STYXL1: variants seen among roughly 807,000 people sequenced by gnomAD.
STYXL1 encodes the protein serine/threonine/tyrosine-interacting-like protein 1.
STYXL1 carries 32 observed loss-of-function variants against 36.4 expected under a neutral mutation model. The observed-to-expected ratio is 0.88, with a 90% CI of 0.66 to 1.18. STYXL1 has a LOEUF of 1.18. Among genes scored for constraint, STYXL1 ranks in the 50% most tolerant of loss-of-function variants. The pLI is 0.00. For missense variants in STYXL1, 354 were observed against 394.1 expected (o/e 0.90, Z 0.86); for synonymous variants, 133 against 144.1 (o/e 0.92, Z 0.55).
At chr7:76,046,274 CTGTGTGTGTGTGTGTGTGTGTGTGTGTG>C (rs782245806) in intron 1 of STYXL1, among the ~76,000 whole-genome samples, 9,399 of 102,812 alleles carry the variant, frequency 0.091, 507 homozygotes, top group East Asian at 0.12. Context: ...AGCTTATCTG[CTGTGTGTGTGTGTGTGTGTGTGTGTGTG>C]TGTGTGTGTG....
intron 4 of STYXL1, among the ~76,000 whole-genome samples, chr7:76,014,686 T>C (rs1793043199): frequency 6.6e-6 from 1 of 151,940 alleles, no homozygotes; most frequent in Non-Finnish European, 1.5e-5. Flanking sequence ...ATATGTATTG[T>C]ATGATGTCAT....
chr7:76,041,947 A>G (rs1320030864), intron 1 of STYXL1, among the ~76,000 whole-genome samples: 2 of 152,220 alleles, frequency 1.3e-5, no homozygotes, highest in African/African-American at 4.8e-5. Context: ...GAATTTGTCA[A>G]AACCAAACTG....
intron 1 of STYXL1, among the ~76,000 whole-genome samples, chr7:76,042,744 C>A (rs932755707): frequency 1.3e-5 from 2 of 152,012 alleles, no homozygotes; most frequent in Non-Finnish European, 2.9e-5. Context: ...GGATAAGCAC[C>A]CTCTGATCTC....
chr7:76,015,305 A>G (rs1793141266), intron 4 of STYXL1, among the ~76,000 whole-genome samples: 3 of 152,176 alleles, frequency 2.0e-5, no homozygotes, highest in Admixed American at 2.0e-4. Context: ...TGGTACTAAG[A>G]TAACTGGCTA....
At chr7:76,038,559 G>A (rs1408699485) in intron 1 of STYXL1, among the ~76,000 whole-genome samples, 1 of 151,738 alleles carries the variant, frequency 6.6e-6, no homozygotes. Flanking sequence ...CTGAGTAGCT[G>A]GGACTACAGG....
intron 8 of STYXL1, among the ~76,000 whole-genome samples, chr7:75,997,578 T>C (rs782333902): frequency 3.3e-5 from 5 of 152,214 alleles, no homozygotes; most frequent in East Asian, 1.9e-4. Flanking sequence ...TCATCACTTC[T>C]GTTCAACATA....
At chr7:76,016,468 C>T (rs557653324) in intron 4 of STYXL1, among the ~76,000 whole-genome samples, 6 of 150,872 alleles carry the variant, frequency 4.0e-5, no homozygotes, top group Non-Finnish European at 7.4e-5. Flanking sequence ...TACATATATA[C>T]GCATATATAT....
intron 5 of STYXL1, among the ~76,000 whole-genome samples, chr7:76,013,218 T>A (rs1792795888): frequency 1.3e-5 from 2 of 150,372 alleles, no homozygotes; most frequent in African/African-American, 2.5e-5. Flanking sequence ...CCCACCTACT[T>A]GGGAGGCCGA....
At position 76,047,747 on chromosome 7, in the gene STYXL1, C is replaced by A. The variant is rs2302438; in HGVS notation, c.-90G>T. On this transcript the variant is annotated 5_prime_UTR_variant, in exon 1 of 9. Transcript: ENST00000359697. Reference sequence around the variant, plus strand: ...GTCGGGGGCTCGGGTCTGGGACGCGCTCCACCTCCCCGGCTGCGCGACTAT... The same window carrying A: ...GTCGGGGGCTCGGGTCTGGGACGCGATCCACCTCCCCGGCTGCGCGACTAT... 0.38 allele frequency: 123,613 copies of A among 325,436 alleles called. 26,316 individuals are homozygous for A. The highest frequency in any genetic ancestry group is 0.64 in the African/African-American group (27,891 of 43,702). The allele number at this position is 325,436 out of a possible 1,614,324, so 20.2% of individuals were successfully genotyped here. A position where few individuals can be genotyped will look rare whatever the true frequency, so the allele number is the denominator to read the frequency against.
rs547994368 is a variant in STYXL1 at position 76,027,095 on chromosome 7, C to A, written c.165+1547G>T. 6.9e-4 allele frequency among the ~76,000 whole-genome samples: 104 copies of A among 151,654 alleles called. 1 individual carries two copies. The highest frequency in any genetic ancestry group is 2.4e-3 in the African/African-American group (99 of 41,366). ...AAAAAAAAAGAATAAAGAAAAGAAA[C>A]CAGGAAAGTCAAAGAGAACCTCCAA... is the stretch of plus-strand genomic sequence containing the variant. On this transcript the variant is annotated intron_variant, in intron 3 of 8. Transcript: ENST00000359697.
At chr7:76,046,327 TGTGTGTGTGTGTGC>T (rs1297242330) in intron 1 of STYXL1, among the ~76,000 whole-genome samples, 117 of 13,600 alleles carry the variant, frequency 8.6e-3, no homozygotes, top group Admixed American at 0.025. Flanking sequence ...TGTGTGTGTG[TGTGTGTGTGTGTGC>T]GCGCGCGCGC....
At chr7:76,024,342 G>A (rs899608795) in intron 3 of STYXL1, among the ~76,000 whole-genome samples, 6 of 152,176 alleles carry the variant, frequency 3.9e-5, no homozygotes, top group African/African-American at 4.8e-5. Context: ...AATCAGGCCA[G>A]GCCTGGTGGC....
chr7:76,035,378 T>C (rs1795816641), intron 1 of STYXL1, among the ~76,000 whole-genome samples: 1 of 131,110 alleles, frequency 7.6e-6, no homozygotes, highest in African/African-American at 2.6e-5. Flanking sequence ...TGCTTGTTTA[T>C]TGTCTCCTGG....
At chr7:76,001,792 A>ATT (rs71082373) in intron 7 of STYXL1, among the ~76,000 whole-genome samples, 2,122 of 96,812 alleles carry the variant, frequency 0.022, 166 homozygotes, top group East Asian at 0.08. Flanking sequence ...ACTGCGCCTG[A>ATT]TTTTTTTTTT....
At chr7:76,042,159 A>T (rs1554582285) in intron 1 of STYXL1, among the ~76,000 whole-genome samples, 1 of 152,142 alleles carries the variant, frequency 6.6e-6, no homozygotes, top group African/African-American at 2.4e-5. Context: ...GGACTTGGGC[A>T]CACAGCAAGT....
At chr7:76,010,474 G>T (rs562261627) in intron 5 of STYXL1, among the ~76,000 whole-genome samples, 1 of 152,220 alleles carries the variant, frequency 6.6e-6, no homozygotes, top group African/African-American at 2.4e-5. Context: ...AAGTTAAGGG[G>T]AGGAAGTTGG....
intron 8 of STYXL1, chr7:75,998,912 T>C (rs186416793): frequency 3.2e-4 from 48 of 152,354 alleles, no homozygotes; most frequent in Admixed American, 1.0e-3. Context: ...ATGTGATTGA[T>C]CAATTCCTTG....
At chr7:76,029,851 C>G (rs1795128742) in intron 2 of STYXL1, among the ~76,000 whole-genome samples, 2 of 152,028 alleles carry the variant, frequency 1.3e-5, no homozygotes, top group Admixed American at 1.3e-4. Flanking sequence ...GGAGCTCAGG[C>G]GGTAATGCAA....
intron 1 of STYXL1, among the ~76,000 whole-genome samples, chr7:76,040,074 C>T (rs1796337096): frequency 6.6e-6 from 1 of 152,152 alleles, no homozygotes; most frequent in Non-Finnish European, 1.5e-5. Context: ...CCTAAGCCTG[C>T]TAGACCCCTG....
Sources: allele counts gnomAD v4.1 joint callset (sites outside exome capture counted in the v4.1 genomes callset), GRCh38; gene constraint gnomAD v4.1.1; transcripts MANE v1.5; gene names NCBI Gene and HGNC (gene_info 2026-07-23, HGNC 2026-07-21).